The following PAQR3 variants were observed in gnomAD, a reference collection of about 807,000 sequenced individuals.
The protein encoded by PAQR3 is progestin and adipoQ receptor family member 3, also known as Raf kinase trapping to Golgi.
Under a neutral mutation model 41.7 loss-of-function variants are expected in PAQR3, and 39 were observed. That is an observed-to-expected ratio of 0.93 (90% CI 0.72 to 1.22). PAQR3 has a LOEUF of 1.22. PAQR3 is among the 50% of genes most tolerant of loss of function. The pLI is 0.00. For synonymous variants in PAQR3, 140 were observed against 140.6 expected (o/e 1.00, Z 0.03); for missense variants, 366 against 385.6 (o/e 0.95, Z 0.42).
chr4:78,903,183 C>A (rs1489279885), intron 11 of PAQR3, among the ~76,000 whole-genome samples: 1 of 151,722 alleles, frequency 6.6e-6, no homozygotes, highest in Non-Finnish European at 1.5e-5. Flanking sequence ...CTAAACATAG[C>A]CTTTTATGAA....
intron 4 of PAQR3, among the ~76,000 whole-genome samples, chr4:78,925,453 C>T (rs1164431315): frequency 6.6e-6 from 1 of 152,098 alleles, no homozygotes; most frequent in Non-Finnish European, 1.5e-5. Flanking sequence ...ACCTTTCTCC[C>T]AATATCCTAA....
chr4:78,920,040 A>C lies in PAQR3; in HGVS notation c.*499T>G, dbSNP rs1735500788. The C allele has an allele frequency of 7.1e-6, 7 of 984,768 alleles. No individual in the cohort carries two copies. In the South Asian group the frequency reaches 3.3e-4, roughly 46 times the overall value. 61.0% of individuals were successfully genotyped at this position (984,768 alleles called of 1,614,324 possible). On this transcript the variant is annotated 3_prime_UTR_variant, in exon 6 of 6. Transcript: ENST00000512733. ...CTGAAGTGCCAGTTTCTCACAAATC[A>C]TTTTAGTGATTATTTAAATCTAGTG...
chr4:78,898,500 G>T (rs1188062924), intron 11 of PAQR3, among the ~76,000 whole-genome samples: 1 of 151,264 alleles, frequency 6.6e-6, no homozygotes, highest in East Asian at 2.0e-4. Flanking sequence ...GAGGTAATAG[G>T]TAGAAATGGA....
Position 78,918,718 on chromosome 4 carries a change from G to C in PAQR3, c.*1821C>G, listed in dbSNP as rs1014408138. 72 of 970,906 alleles carry C rather than the reference G, an allele frequency of 7.4e-5. No individual in the cohort carries two copies. Among genetic ancestry groups the C allele is most frequent in the Middle Eastern group, 5.3e-4 (1 of 1,900 alleles). 60.1% of individuals were successfully genotyped at this position (970,906 alleles called of 1,614,324 possible). On this transcript the variant is annotated 3_prime_UTR_variant, in exon 6 of 6. Coordinates refer to ENST00000512733, the MANE Select transcript of PAQR3 (RefSeq NM_001040202.2). ...TTCAATGTTTTTTTATTTTGAGAAA[G>C]TTTTATAATAAAAATGGCTCCACAC...
intron 11 of PAQR3, among the ~76,000 whole-genome samples, chr4:78,893,288 A>G (rs1733538118): frequency 6.6e-6 from 1 of 152,206 alleles, no homozygotes; most frequent in Non-Finnish European, 1.5e-5. Context: ...ATTCAGTCAC[A>G]TTTTTAGGTT....
In PAQR3 at chr4:78,939,182, C is replaced by T. The variant is rs766118221; in HGVS notation, c.43G>A (p.Gly15Ser). 6.2e-7 allele frequency: 1 copy of T among 1,610,696 alleles called. No homozygotes were observed. ...LLKSAHYIELGSYQYWPVLVP... is the reference protein window; with the variant it reads ...LLKSAHYIELSSYQYWPVLVP... ...AGGACCGGCCAGTACTGGTAGCTGC[C>T]CAGCTCGATGTAATGCGCGCTCTTC... Residue 15 changes from glycine to serine, a missense_variant, in exon 1 of 6, where the codon GGC (glycine) becomes AGC (serine). Transcript: ENST00000512733.
chr4:78,893,026 C>A (rs751619836), intron 11 of PAQR3, among the ~76,000 whole-genome samples: 83 of 152,188 alleles, frequency 5.5e-4, no homozygotes, highest in Non-Finnish European at 1.0e-3. Flanking sequence ...TGAAAGACTT[C>A]TCTGTACATG....
Position 78,915,867 on chromosome 4 carries a change from C to G in PAQR3, c.*4672G>C, listed in dbSNP as rs1735010904. ...AAAGAATTGTTTTTATGACTATGCT[C>G]TTTTTGTGATTGAAAAGTCATCTAA... On this transcript the variant is annotated 3_prime_UTR_variant, in exon 6 of 6. Transcript: ENST00000512733. The G allele has an allele frequency of 6.6e-6, 1 of 151,816 alleles. No homozygotes were observed. Among genetic ancestry groups the G allele is most frequent in the Admixed American group, 6.6e-5 (1 of 15,220 alleles). The allele number at this position is 151,816 out of a possible 1,614,324, so 9.4% of individuals were successfully genotyped here. A position where few individuals can be genotyped will look rare whatever the true frequency, so the allele number is the denominator to read the frequency against.
chr4:78,931,284 G>T (rs1341035941), intron 2 of PAQR3, among the ~76,000 whole-genome samples: 1 of 151,866 alleles, frequency 6.6e-6, no homozygotes, highest in African/African-American at 2.4e-5. Context: ...CTTGAGCTTG[G>T]GAGATCGAGG....
rs1734683525 is a variant in PAQR3, at chr4:78,912,321, G to A, written c.*8218C>T. 2 of 323,826 alleles carry A rather than the reference G, an allele frequency of 6.2e-6. No homozygotes were observed. The highest frequency in any genetic ancestry group is 9.0e-5 in the Admixed American group (2 of 22,308). The allele number at this position is 323,826 out of a possible 1,614,324, so 20.1% of individuals were successfully genotyped here. On this transcript the variant is annotated 3_prime_UTR_variant, in exon 6 of 6. Transcript: ENST00000512733. ...TGTGGTACTTCCAGTGAAAGCACATGGCACCTTTCTAGGTGTGTAGCCACT... is the reference window on the plus strand; with the variant it reads ...TGTGGTACTTCCAGTGAAAGCACATAGCACCTTTCTAGGTGTGTAGCCACT...
At position 78,929,834 on chromosome 4, in the gene PAQR3, T is replaced by C. The variant is rs187003550; in HGVS notation, c.504+336A>G. 2.6e-3 allele frequency among the ~76,000 whole-genome samples: 396 copies of C among 152,284 alleles called. 1 individual carries two copies. Among genetic ancestry groups the C allele is most frequent in the Non-Finnish European group, 4.4e-3 (302 of 68,018 alleles). ...AGTGTTAATTTTAACTTCAATTCTA[T>C]AAACACACAAATAAAAGATATATAA... is the stretch of plus-strand genomic sequence containing the variant. On this transcript the variant is annotated intron_variant, in intron 3 of 5. Transcript: ENST00000512733.
chr4:78,888,832 G>A (rs1316107085), intron 11 of PAQR3, among the ~76,000 whole-genome samples: 1 of 152,130 alleles, frequency 6.6e-6, no homozygotes, highest in Non-Finnish European at 1.5e-5. Flanking sequence ...CAACCCAGTA[G>A]GTACCTAATA....
At chr4:78,926,851 C>T in intron 3 of PAQR3, 133 bp from the exon 4 acceptor site, 1 of 763,178 alleles carries the variant, frequency 1.3e-6, no homozygotes, top group Non-Finnish European at 2.1e-6. Flanking sequence ...GGATTATCTC[C>T]CTTCATTAAA....
intron 4 of PAQR3, 54 bp from the exon 5 acceptor site, chr4:78,924,001 AATTT>A: frequency 7.9e-7 from 1 of 1,265,032 alleles, no homozygotes; most frequent in Non-Finnish European, 1.2e-6. Context: ...CTGAACTCTA[AATTT>A]ATTATGAATC....
downstream of PAQR3, among the ~76,000 whole-genome samples, chr4:78,906,979 TATAA>T (rs1429977542): frequency 3.3e-5 from 5 of 152,246 alleles, no homozygotes; most frequent in African/African-American, 1.2e-4. Flanking sequence ...AATCATAGTA[TATAA>T]ATAAAGTGAA....
At position 78,914,508 on chromosome 4, in the gene PAQR3, A is replaced by G. The variant is rs1734874211; in HGVS notation, c.*6031T>C. The stretch of plus-strand genomic sequence containing the variant: ...TTTGCATTTTCATTCATCATCCCCC[A>G]GAATCATGGTCAAGGTGTAGGTCAC... On this transcript the variant is annotated 3_prime_UTR_variant, in exon 6 of 6. Coordinates refer to ENST00000512733, the MANE Select transcript of PAQR3 (RefSeq NM_001040202.2). 6.6e-6 allele frequency: 1 copy of G among 151,926 alleles called. No homozygotes were observed. Among genetic ancestry groups the G allele is most frequent in the Admixed American group, 6.6e-5 (1 of 15,196 alleles). The allele number at this position is 151,926 out of a possible 1,614,324, so 9.4% of individuals were successfully genotyped here.
chr4:78,931,195 A>T (rs923802286), intron 2 of PAQR3, among the ~76,000 whole-genome samples: 3 of 149,472 alleles, frequency 2.0e-5, no homozygotes, highest in South Asian at 2.1e-4. Flanking sequence ...TAAAAAAAAA[A>T]AAAAAAAAAA....
intron 2 of PAQR3, among the ~76,000 whole-genome samples, chr4:78,931,893 TATG>T (rs1235285703): frequency 6.6e-6 from 1 of 152,178 alleles, no homozygotes; most frequent in Non-Finnish European, 1.5e-5. Context: ...ATATTATGGG[TATG>T]ATAAGATACT....
At chr4:78,933,225 A>G (rs1451480115) in intron 2 of PAQR3, 2 of 456,278 alleles carry the variant, frequency 4.4e-6, no homozygotes, top group Admixed American at 2.3e-5. Flanking sequence ...GATGCCTTGT[A>G]TAGTGTCTGG....
Sources: allele counts gnomAD v4.1 joint callset (sites outside exome capture counted in the v4.1 genomes callset), GRCh38; gene constraint gnomAD v4.1.1; transcripts MANE v1.5; gene names NCBI Gene and HGNC (gene_info 2026-07-23, HGNC 2026-07-21).